TM7SF3: variants seen among roughly 807,000 people sequenced by gnomAD.
TM7SF3 encodes the protein seven span transmembrane protein.
In TM7SF3, 60 loss-of-function variants were observed where a neutral mutation model predicts 65.5. That is an observed-to-expected ratio of 0.92 (90% confidence interval 0.74 to 1.14). The LOEUF is 1.14. Among genes scored for constraint, TM7SF3 ranks in the 50% most tolerant of loss-of-function variants. The probability of loss-of-function intolerance (pLI) is 0.00; values close to 1 mark genes in which losing one functional copy is unlikely to be tolerated. For synonymous variants in TM7SF3, 264 were observed against 259.6 expected, an observed-to-expected ratio of 1.02 and a Z score of -0.16; for missense variants, 623 against 684.8, an observed-to-expected ratio of 0.91 and a Z score of 1.01.
At chr12:27,003,906 C>T (rs1940932481) in intron 1 of TM7SF3, among the ~76,000 whole-genome samples, 2 of 152,190 alleles carry the variant, frequency 1.3e-5, no homozygotes, top group Admixed American at 1.3e-4. Context: ...TCAATTTCCT[C>T]ATCTGTCTAA....
intron 9 of TM7SF3, 54 bp downstream of exon 9, chr12:26,979,730 G>A: frequency 6.3e-7 from 1 of 1,588,476 alleles, no homozygotes. Context: ...ATCCAATTAG[G>A]CAGTATTCAA....
intron 6 of TM7SF3, among the ~76,000 whole-genome samples, chr12:26,985,222 C>T (rs1227432937): frequency 1.3e-5 from 2 of 152,052 alleles, no homozygotes; most frequent in Non-Finnish European, 2.9e-5. Context: ...TATGGCCAGG[C>T]GCAGTGGCTC....
chr12:27,012,297 C>T (rs151319540), intron 1 of TM7SF3, among the ~76,000 whole-genome samples: 37 of 152,144 alleles, frequency 2.4e-4, no homozygotes, highest in East Asian at 1.7e-3. Flanking sequence ...AATAACACTG[C>T]ACGTGGAAAG....
At chr12:27,002,905 G>C (rs1940891618) in intron 2 of TM7SF3, among the ~76,000 whole-genome samples, 2 of 152,196 alleles carry the variant, frequency 1.3e-5, no homozygotes. Flanking sequence ...TCAGGTAAAA[G>C]TTATTAAGGC....
chr12:27,001,662 G>A (rs1375699658), intron 2 of TM7SF3, among the ~76,000 whole-genome samples: 1 of 152,160 alleles, frequency 6.6e-6, no homozygotes, highest in African/African-American at 2.4e-5. Flanking sequence ...TTGCTGTAAT[G>A]TCATTAGGAA....
intron 6 of TM7SF3, among the ~76,000 whole-genome samples, chr12:26,989,682 C>A (rs1344713030): frequency 1.3e-5 from 2 of 152,038 alleles, no homozygotes; most frequent in East Asian, 3.9e-4. Context: ...CACACACACA[C>A]ACACACCCCT....
chr12:27,009,401 G>C (rs111831705), intron 1 of TM7SF3, among the ~76,000 whole-genome samples: 1 of 152,028 alleles, frequency 6.6e-6, no homozygotes, highest in Non-Finnish European at 1.5e-5. Flanking sequence ...ATGAATTTCC[G>C]ATATTCCTCT....
At chr12:26,991,209 G>A (rs1321528627) in intron 5 of TM7SF3, among the ~76,000 whole-genome samples, 2 of 142,714 alleles carry the variant, frequency 1.4e-5, no homozygotes, top group East Asian at 4.2e-4. Flanking sequence ...GCGGACTGCA[G>A]TGGCGCAATC....
chr12:26,976,245 T>C lies in TM7SF3; in HGVS notation c.1287+15A>G. 6.4e-6 allele frequency: 10 copies of C among 1,568,514 alleles called. No homozygotes were observed. The highest frequency in any genetic ancestry group is 7.9e-6 in the Non-Finnish European group (9 of 1,139,084). On this transcript the variant is annotated intron_variant, in intron 10 of 11. Transcript: ENST00000343028. ...TAACATAATCAATAAATCTAACTTT[T>C]GATGAAACACTTACTATTCTTAGGC... is the stretch of plus-strand genomic sequence containing the variant.
intron 4 of TM7SF3, 47 bp downstream of exon 4, chr12:26,996,695 T>C (rs1940611704): frequency 6.4e-7 from 1 of 1,573,758 alleles, no homozygotes; most frequent in South Asian, 1.2e-5. Flanking sequence ...ACAACTGTCG[T>C]CATGTATATT....
chr12:27,012,788 A>G, intron 1 of TM7SF3: 1 of 452,588 alleles, frequency 2.2e-6, no homozygotes, highest in South Asian at 1.6e-5. Context: ...TCACGAGGTC[A>G]GGAGTTCGAG....
At chr12:27,000,478 G>A (rs1940784554) in intron 2 of TM7SF3, among the ~76,000 whole-genome samples, 1 of 150,160 alleles carries the variant, frequency 6.7e-6, no homozygotes, top group East Asian at 1.9e-4. Flanking sequence ...CTTTTTTTTT[G>A]AGATGGAGTC....
intron 5 of TM7SF3, among the ~76,000 whole-genome samples, chr12:26,992,107 AG>A (rs1362128651): frequency 6.6e-6 from 1 of 152,170 alleles, no homozygotes; most frequent in Non-Finnish European, 1.5e-5. Context: ...CAGACTTACA[AG>A]GGGGTTACAT....
chr12:26,998,446 T>G (rs1940693581), intron 3 of TM7SF3, among the ~76,000 whole-genome samples: 1 of 152,136 alleles, frequency 6.6e-6, no homozygotes, highest in Non-Finnish European at 1.5e-5. Flanking sequence ...TCTCAGACTG[T>G]GTCCCAAACT....
intron 3 of TM7SF3, 128 bp downstream of exon 3, chr12:26,999,395 CAAA>C: frequency 4.6e-6 from 4 of 863,980 alleles, no homozygotes; most frequent in Non-Finnish European, 4.9e-6. Flanking sequence ...GACTCCATCT[CAAA>C]AAAAAAAAAT....
chr12:26,977,951 C>G (rs193228117), intron 9 of TM7SF3: 237 of 259,060 alleles, frequency 9.1e-4, no homozygotes, highest in Non-Finnish European at 1.6e-3. Context: ...TAAAAGCTTA[C>G]CAGGCATGGC....
At chr12:27,012,693 A>G (rs1485470676) in intron 1 of TM7SF3, 1 of 455,908 alleles carries the variant, frequency 2.2e-6, no homozygotes, top group East Asian at 6.9e-5. Flanking sequence ...GTTCTCACTG[A>G]GATGAACAAG....
intron 1 of TM7SF3, 35 bp downstream of exon 1, chr12:27,014,043 C>T: frequency 6.5e-7 from 1 of 1,535,642 alleles, no homozygotes; most frequent in Non-Finnish European, 8.8e-7. Flanking sequence ...GCAAAAGCAA[C>T]TTTGGGTTGC....
At chr12:27,007,243 C>G (rs117983685) in intron 1 of TM7SF3, among the ~76,000 whole-genome samples, 1 of 152,134 alleles carries the variant, frequency 6.6e-6, no homozygotes, top group Non-Finnish European at 1.5e-5. Context: ...GAAAATGATG[C>G]CTCATCATCT....
Sources: allele counts gnomAD v4.1 joint callset (sites outside exome capture counted in the v4.1 genomes callset), GRCh38; gene constraint gnomAD v4.1.1; transcripts MANE v1.5; gene names NCBI Gene and HGNC (gene_info 2026-07-23, HGNC 2026-07-21).